Variants in EYS observed in about 807,000 individuals in gnomAD.
The protein encoded by EYS is protein eyes shut homolog.
Under a neutral mutation model 282.1 loss-of-function variants are expected in EYS, and 250 were observed. The ratio of observed to expected loss-of-function variants is 0.89; its 90% CI spans 0.80 to 0.98. The LOEUF is 0.98. Among genes scored for constraint, EYS ranks in the 50% least tolerant of loss-of-function variants. The pLI, the probability that EYS is intolerant of heterozygous loss-of-function variation, is 0.00. For missense variants in EYS, 4,016 were observed against 3,709.0 expected (o/e 1.08, Z -2.15); for synonymous variants, 1,355 against 1,282.9 (o/e 1.06, Z -1.20).
chr6:65,666,373 C>T (rs1768201362), intron 1 of EYS, among the ~76,000 whole-genome samples: 1 of 151,832 alleles, frequency 6.6e-6, no homozygotes, highest in African/African-American at 2.4e-5. Flanking sequence ...TGGCTCCCAT[C>T]TCCATTTCTT....
intron 22 of EYS, among the ~76,000 whole-genome samples, chr6:64,728,539 A>G (rs1030779870): frequency 7.2e-5 from 11 of 151,998 alleles, no homozygotes; most frequent in Admixed American, 5.9e-4. Flanking sequence ...GTTTCACCGC[A>G]TTATCCAGGA....
intron 30 of EYS, among the ~76,000 whole-genome samples, chr6:64,293,451 TC>T (rs1357152526): frequency 1.3e-5 from 2 of 152,112 alleles, no homozygotes; most frequent in East Asian, 3.8e-4. Flanking sequence ...CTGTATCATT[TC>T]CTTCTATTAA....
intron 19 of EYS, among the ~76,000 whole-genome samples, chr6:64,876,408 C>T (rs111679515): frequency 2.1e-3 from 324 of 152,134 alleles, no homozygotes; most frequent in African/African-American, 7.1e-3. Flanking sequence ...CATGTGTTAA[C>T]ATTCAAAAAG....
chr6:64,611,398 G>A (rs1040348370), intron 24 of EYS, among the ~76,000 whole-genome samples: 24 of 152,174 alleles, frequency 1.6e-4, no homozygotes, highest in African/African-American at 4.3e-4. Flanking sequence ...CTCAGAGTTC[G>A]CCAATTGCTT....
chr6:65,369,270 T>A (rs1163860598), intron 8 of EYS, among the ~76,000 whole-genome samples: 2 of 136,348 alleles, frequency 1.5e-5, no homozygotes, highest in South Asian at 2.3e-4. Context: ...TGTGTGTATA[T>A]ATATATTTAT....
chr6:64,481,102 A>G (rs1039199816), intron 26 of EYS, among the ~76,000 whole-genome samples: 3 of 151,306 alleles, frequency 2.0e-5, no homozygotes, highest in Admixed American at 6.6e-5. Flanking sequence ...TTCTGAATGT[A>G]TTTAATGTGC....
At chr6:64,909,608 G>A (rs1767930613) in intron 16 of EYS, among the ~76,000 whole-genome samples, 1 of 151,938 alleles carries the variant, frequency 6.6e-6, no homozygotes, top group African/African-American at 2.4e-5. Context: ...ATTATTCATA[G>A]AGACCCAATT....
At chr6:65,472,434 GA>G (rs1765249029) in intron 5 of EYS, among the ~76,000 whole-genome samples, 1 of 151,928 alleles carries the variant, frequency 6.6e-6, no homozygotes. Context: ...TATTCTTATG[GA>G]AAAGTTTGTG....
intron 2 of EYS, among the ~76,000 whole-genome samples, chr6:65,612,024 C>A (rs940511796): frequency 1.3e-5 from 2 of 151,726 alleles, no homozygotes; most frequent in Non-Finnish European, 2.9e-5. Flanking sequence ...ATGGCCCTAA[C>A]AATACTTATT....
chr6:64,947,501 A>G (rs1769325930), intron 14 of EYS, among the ~76,000 whole-genome samples: 1 of 151,820 alleles, frequency 6.6e-6, no homozygotes, highest in Non-Finnish European at 1.5e-5. Context: ...CACATATACT[A>G]GTCTCCACTC....
intron 16 of EYS, among the ~76,000 whole-genome samples, chr6:64,907,264 G>T (rs1445331249): frequency 3.9e-5 from 6 of 151,942 alleles, no homozygotes; most frequent in African/African-American, 9.7e-5. Flanking sequence ...TGACCAAGCT[G>T]GTCTGGAGCT....
At chr6:64,102,027 C>T (rs748316095) in intron 31 of EYS, among the ~76,000 whole-genome samples, 14 of 152,076 alleles carry the variant, frequency 9.2e-5, no homozygotes, top group South Asian at 4.2e-4. Flanking sequence ...TGGGGAGTGG[C>T]TGTAAGTACA....
At chr6:64,104,151 G>C (rs995386443) in intron 31 of EYS, among the ~76,000 whole-genome samples, 1 of 152,112 alleles carries the variant, frequency 6.6e-6, no homozygotes, top group African/African-American at 2.4e-5. Context: ...AAGCTGAAGA[G>C]CTTACCACAA....
rs71544344 is a variant in EYS at position 64,253,830 on chromosome 6, TC to T, written c.6192-23007del. Among the ~76,000 whole-genome samples, 7 of 151,890 alleles carry T rather than the reference TC, an allele frequency of 4.6e-5. 1 individual carries two copies. The East Asian group carries it at 5.8e-4, about 13-fold the overall frequency. ...ACTGGGCCATAAATTCATCTTTTCT[TC>T]CCCCCAAAAGACTGTTCTGATGTGA... On this transcript the variant is annotated intron_variant, in intron 30 of 42. Coordinates refer to ENST00000503581, the MANE Select transcript of EYS (RefSeq NM_001142800.2).
intron 14 of EYS, among the ~76,000 whole-genome samples, chr6:64,987,999 T>C (rs1330918610): frequency 6.6e-6 from 1 of 151,516 alleles, no homozygotes; most frequent in Non-Finnish European, 1.5e-5. Flanking sequence ...TCCACATTTA[T>C]ATCCACACCA....
intron 12 of EYS, among the ~76,000 whole-genome samples, chr6:65,059,808 T>C (rs1773518258): frequency 6.6e-6 from 1 of 152,084 alleles, no homozygotes; most frequent in Non-Finnish European, 1.5e-5. Flanking sequence ...ATACACTTTG[T>C]GGAGATTCCT....
At chr6:64,437,017 CT>C (rs1263222373) in intron 27 of EYS, among the ~76,000 whole-genome samples, 5 of 151,788 alleles carry the variant, frequency 3.3e-5, no homozygotes, top group Middle Eastern at 3.4e-3. Context: ...ACTTGTGCCC[CT>C]AGCTGTATTT....
intron 12 of EYS, among the ~76,000 whole-genome samples, chr6:65,106,216 C>T (rs1254921030): frequency 1.3e-5 from 2 of 151,928 alleles, no homozygotes; most frequent in African/African-American, 2.4e-5. Context: ...GATCTCTAGA[C>T]GTATACTTTT....
chr6:64,323,562 G>A (rs1253425719), intron 29 of EYS, among the ~76,000 whole-genome samples: 1 of 151,942 alleles, frequency 6.6e-6, no homozygotes, highest in African/African-American at 2.4e-5. Context: ...TTATACATTT[G>A]TGTGATATAT....
Sources: gnomAD v4.1 joint callset for allele counts (sites outside exome capture counted in the v4.1 genomes callset) on GRCh38, gnomAD v4.1.1 for gene constraint, MANE v1.5 for transcripts, NCBI Gene and HGNC (gene_info 2026-07-23, HGNC 2026-07-21) for gene names.